ADH6: variants seen among roughly 807,000 people sequenced by gnomAD.
The protein encoded by ADH6 is alcohol dehydrogenase 6.
ADH6 carries 34 observed loss-of-function variants against 36.5 expected under a neutral mutation model. That is an observed-to-expected ratio of 0.93 (90% confidence interval 0.71 to 1.24). The LOEUF is 1.24. ADH6 is among the 50% of genes most tolerant of loss of function. The pLI is 0.00. For missense variants in ADH6, 440 were observed against 447.0 expected (o/e 0.98, Z 0.14); for synonymous variants, 161 against 155.5 (o/e 1.04, Z -0.26).
Position 99,208,927 on chromosome 4 carries a change from A to G in ADH6, c.569T>C (p.Val190Ala). 1.2e-6 allele frequency: 2 copies of G among 1,609,998 alleles called. No individual in the cohort carries two copies. The highest frequency in any genetic ancestry group is 1.7e-6 in the Non-Finnish European group (2 of 1,178,304). The change falls in exon 6 of 9, where the codon GTG (valine) becomes GCG (alanine). Residue 190 changes from valine to alanine, a missense_variant and splice_region_variant. By Grantham distance (64) the Val-to-Ala change is moderately conservative. Coordinates refer to ENST00000394899, the MANE Select transcript of ADH6 (RefSeq NM_001102470.2). ...GFGAAINTAKVTPGSTCAVFG... is the reference protein window; with the variant it reads ...GFGAAINTAKATPGSTCAVFG... ...CACAGCACAGGTAGAACCTGGAGTCACCTAAACACATACAGGCAGAAAACT... is the reference window on the plus strand; with the variant it reads ...CACAGCACAGGTAGAACCTGGAGTCGCCTAAACACATACAGGCAGAAAACT...
chr4:99,210,361 TCTC>T, intron 4 of ADH6, 51 bp downstream of exon 4: 1 of 1,596,426 alleles, frequency 6.3e-7, no homozygotes, highest in Non-Finnish European at 8.6e-7. Context: ...GCTTAGATCT[TCTC>T]CAATGAAAGT....
rs770360539 is a variant in ADH6, at chr4:99,219,125, CTG to C, written c.18+8_18+9del. 14 of 1,610,502 alleles carry C rather than the reference CTG, an allele frequency of 8.7e-6. No homozygotes were observed. The South Asian group carries it at 1.4e-4, about 16-fold the overall frequency. On this transcript the variant is annotated splice_region_variant and intron_variant, in intron 1 of 8. Coordinates refer to ENST00000394899, the MANE Select transcript of ADH6 (RefSeq NM_001102470.2). ...ATATGACACAACATAAAGAATAAGA[CTG>C]CACCTACTTGGCCTGTAGTACTCAT... is the stretch of plus-strand genomic sequence containing the variant.
Position 99,213,710 on chromosome 4 carries a change from A to T in ADH6, c.158T>A (p.Val53Glu), listed in dbSNP as rs545503536. ...GAGGTCCAAGTGTTTACTCCCCAACACTTTCATCTCTGTACCACACAGTCC... is the reference window on the plus strand; with the variant it reads ...GAGGTCCAAGTGTTTACTCCCCAACTCTTTCATCTCTGTACCACACAGTCC... ...ATGLCGTEMK[V>E]LGSKHLDLLY... The change falls in exon 3 of 9, where the codon GTG (valine) becomes GAG (glutamate). Residue 53 changes from valine to glutamate, a missense_variant. Val to Glu is a moderately radical substitution (Grantham distance 121). Transcript: ENST00000394899. 1 of 1,613,852 alleles carries T rather than the reference A, an allele frequency of 6.2e-7. No homozygotes were observed. The highest frequency in any genetic ancestry group is 2.2e-5 in the East Asian group (1 of 44,864).
In ADH6 at chr4:99,207,582, C is replaced by G; in HGVS notation, c.829-1G>C. The G allele has an allele frequency of 6.2e-7, 1 of 1,613,140 alleles. No homozygotes were observed. Among genetic ancestry groups the G allele is most frequent in the East Asian group, 2.2e-5 (1 of 44,858 alleles). On this transcript the variant is annotated splice_acceptor_variant, in intron 6 of 8. Transcript: ENST00000394899. LOFTEE classifies it high-confidence loss of function. ...CATTGCAGGAGGCGAGGGCAGCTGCCTGTTAGAAAGTGATGCAATACAGTA... is the reference window on the plus strand; with the variant it reads ...CATTGCAGGAGGCGAGGGCAGCTGCGTGTTAGAAAGTGATGCAATACAGTA...
chr4:99,212,842 A>G (rs1560807664), intron 3 of ADH6, among the ~76,000 whole-genome samples: 1 of 151,818 alleles, frequency 6.6e-6, no homozygotes, highest in Non-Finnish European at 1.5e-5. Context: ...AAATTGGTCC[A>G]TTGTCATACT....
chr4:99,214,235 T>G (rs1351236456), intron 2 of ADH6, among the ~76,000 whole-genome samples: 1 of 152,044 alleles, frequency 6.6e-6, no homozygotes, highest in East Asian at 1.9e-4. Context: ...CTACAATAAA[T>G]AAACAAATTA....
chr4:99,207,768 C>G (rs1478479648), intron 6 of ADH6, among the ~76,000 whole-genome samples, 187 bp from the exon 7 acceptor site: 1 of 151,914 alleles, frequency 6.6e-6, no homozygotes, highest in Non-Finnish European at 1.5e-5. Context: ...TTGTATGTTG[C>G]TTAGTATAGT....
intron 2 of ADH6, among the ~76,000 whole-genome samples, chr4:99,214,149 A>G (rs1273408357): frequency 6.6e-6 from 1 of 152,192 alleles, no homozygotes; most frequent in Non-Finnish European, 1.5e-5. Flanking sequence ...CCAGCATCTC[A>G]GGAGGCTGAG....
intron 5 of ADH6, 32 bp from the exon 6 acceptor site, chr4:99,208,960 CAAAAA>C: frequency 6.3e-7 from 1 of 1,585,424 alleles, no homozygotes; most frequent in Non-Finnish European, 8.6e-7. Context: ...ACTCAGAAAA[CAAAAA>C]GCAAAGAGAA....
In ADH6 at chr4:99,204,035, A is replaced by G; in HGVS notation, c.*184T>C. 1.6e-6 allele frequency: 1 copy of G among 626,582 alleles called. No homozygotes were observed. 38.8% of individuals were successfully genotyped at this position (626,582 alleles called of 1,614,324 possible). A position where few individuals can be genotyped will look rare whatever the true frequency, so the allele number is the denominator to read the frequency against. ...GGCTGATCCTTGGTGACACTGGGTT[A>G]CGTAAGAACAATTTTGATGAAATGG... On this transcript the variant is annotated 3_prime_UTR_variant, in exon 9 of 9. Coordinates refer to ENST00000394899, the MANE Select transcript of ADH6 (RefSeq NM_001102470.2).
chr4:99,214,203 C>A (rs1579448906), intron 2 of ADH6, among the ~76,000 whole-genome samples: 1 of 152,122 alleles, frequency 6.6e-6, no homozygotes, highest in African/African-American at 2.4e-5. Flanking sequence ...TCAGCCTGGG[C>A]AAAATAGTGA....
At chr4:99,204,270 G>T in intron 8 of ADH6, 27 bp from the exon 9 acceptor site, 1 of 1,596,410 alleles carries the variant, frequency 6.3e-7, no homozygotes, top group Non-Finnish European at 8.5e-7. Context: ...GAGAAAAAAG[G>T]TTGGAACATT....
intron 1 of ADH6, among the ~76,000 whole-genome samples, chr4:99,217,993 T>A (rs1731510871): frequency 6.6e-6 from 1 of 152,202 alleles, no homozygotes; most frequent in South Asian, 2.1e-4. Context: ...CCACCACTGT[T>A]GTCACTATAA....
chr4:99,204,225 T>C lies in ADH6; in HGVS notation c.1122A>G (p.Leu374=). The part of the protein sequence containing the change: ...KTGKCIRCIL[L]L ...TGCATGTATTACATTGTACTTAAAG[T>C]AACAGGATACAGCGGATACTGAAAA... is the stretch of plus-strand genomic sequence containing the variant. Residue 374 remains leucine (L), a synonymous_variant, in exon 9 of 9, where the codon TTA becomes TTG. Transcript: ENST00000394899. 6.2e-7 allele frequency: 1 copy of C among 1,602,878 alleles called. No homozygotes were observed. Among genetic ancestry groups the C allele is most frequent in the Non-Finnish European group, 8.5e-7 (1 of 1,178,512 alleles).
In ADH6 at chr4:99,210,503, C is replaced by T. The variant is rs1489214879; in HGVS notation, c.263-1G>A. 9 of 1,600,900 alleles carry T rather than the reference C, an allele frequency of 5.6e-6. No homozygotes were observed. The highest frequency in any genetic ancestry group is 7.7e-6 in the Non-Finnish European group (9 of 1,170,872). On this transcript the variant is annotated splice_acceptor_variant, in intron 3 of 8. Coordinates refer to ENST00000394899, the MANE Select transcript of ADH6 (RefSeq NM_001102470.2). LOFTEE classifies it high-confidence loss of function. ...AGAAAGAGTGTGATAACTTTGTCAC[C>T]TAAAAGAGCAAAATCATGTCTTATT...
At position 99,210,425 on chromosome 4, in the gene ADH6, T is replaced by C. The variant is rs28720153; in HGVS notation, c.340A>G (p.Ile114Val). The C allele has an allele frequency of 1.9e-3, 3,123 of 1,609,566 alleles. 55 individuals are homozygous for C. The African/African-American group carries it at 0.038, about 19-fold the overall frequency. The change falls in exon 4 of 9, where the codon ATA becomes GTA. Residue 114 changes from isoleucine (I) to valine (V), a missense_variant. Coordinates refer to ENST00000394899, the MANE Select transcript of ADH6 (RefSeq NM_001102470.2). ...TTAGTAAAAACTTACTTGAATTGTA[T>C]ACAAAAATTGCCCTCAGAATTCAGG... The part of the protein sequence containing the change: ...SCLNSEGNFC[I>V]QFKQSKTQLM...
intron 3 of ADH6, among the ~76,000 whole-genome samples, chr4:99,212,247 A>G (rs567933431): frequency 1.3e-5 from 2 of 152,292 alleles, no homozygotes; most frequent in South Asian, 4.1e-4. Context: ...AAACAATAAG[A>G]TATGAGGGAG....
Position 99,219,223 on chromosome 4 carries a change from T to G in ADH6, c.-71A>C. On this transcript the variant is annotated 5_prime_UTR_variant, in exon 1 of 9. Coordinates refer to ENST00000394899, the MANE Select transcript of ADH6 (RefSeq NM_001102470.2). ...CTGTAGCAACTTTCACTGTAGAAAG[T>G]ACAAAGGTACACAGGCGACTGGTAG... The G allele has an allele frequency of 2.1e-6, 3 of 1,416,556 alleles. No homozygotes were observed. The highest frequency in any genetic ancestry group is 1.2e-5 in the South Asian group (1 of 86,608). The allele number at this position is 1,416,556 out of a possible 1,614,324, so 87.7% of individuals were successfully genotyped here. A position where few individuals can be genotyped will look rare whatever the true frequency, so the allele number is the denominator to read the frequency against.
chr4:99,214,883 C>T (rs573553034), intron 2 of ADH6, among the ~76,000 whole-genome samples: 1 of 152,188 alleles, frequency 6.6e-6, no homozygotes, highest in African/African-American at 2.4e-5. Flanking sequence ...TAGTCATTCT[C>T]TTTATCTCTT....
Sources: gnomAD v4.1 joint callset for allele counts (sites outside exome capture counted in the v4.1 genomes callset) on GRCh38, gnomAD v4.1.1 for gene constraint, MANE v1.5 for transcripts, NCBI Gene and HGNC (gene_info 2026-07-23, HGNC 2026-07-21) for gene names.